The following ATXN7 variants were observed in gnomAD, a reference collection of about 807,000 sequenced individuals.
The protein encoded by ATXN7 is ataxin 7.
In ATXN7, 12 loss-of-function variants were observed where a neutral mutation model predicts 70.5. The observed-to-expected ratio is 0.17, with a 90% CI of 0.11 to 0.28. The LOEUF is 0.28. Among genes scored for constraint, ATXN7 ranks in the 10% least tolerant of loss-of-function variants. The pLI, the probability that ATXN7 is intolerant of heterozygous loss-of-function variation, is 1.00. For synonymous variants in ATXN7, 498 were observed against 448.7 expected (o/e 1.11, Z -1.39); for missense variants, 1,256 against 1,131.7 (o/e 1.11, Z -1.58).
chr3:63,945,682 A>G (rs572122933), intron 4 of ATXN7, among the ~76,000 whole-genome samples: 1 of 152,374 alleles, frequency 6.6e-6, no homozygotes, highest in South Asian at 2.1e-4. Flanking sequence ...AGAGCAGTCA[A>G]CAAGATAGAT....
intron 5 of ATXN7, among the ~76,000 whole-genome samples, chr3:63,955,016 T>TAA (rs1462677729): frequency 6.6e-6 from 1 of 152,172 alleles, no homozygotes; most frequent in Admixed American, 6.5e-5. Context: ...GCCAGGAAAA[T>TAA]ATCTTAAAAT....
At chr3:63,987,350 T>C (rs2075594318) in intron 8 of ATXN7, among the ~76,000 whole-genome samples, 2 of 152,214 alleles carry the variant, frequency 1.3e-5, no homozygotes, top group Admixed American at 1.3e-4. Context: ...AAATTAGACA[T>C]TGTCTGAAGA....
chr3:63,955,765 G>A (rs1046100181), intron 5 of ATXN7, among the ~76,000 whole-genome samples: 3 of 152,164 alleles, frequency 2.0e-5, no homozygotes, highest in Non-Finnish European at 4.4e-5. Context: ...GTGAAAATGT[G>A]TCGGCAGTCT....
intron 5 of ATXN7, among the ~76,000 whole-genome samples, chr3:63,971,878 C>T (rs1345508373): frequency 1.3e-5 from 2 of 152,154 alleles, no homozygotes; most frequent in African/African-American, 4.8e-5. Context: ...AGGGAAAACA[C>T]TAGTCTGGAG....
At chr3:63,920,767 A>G (rs1340757440) in intron 4 of ATXN7, among the ~76,000 whole-genome samples, 1 of 152,206 alleles carries the variant, frequency 6.6e-6, no homozygotes, top group Non-Finnish European at 1.5e-5. Context: ...AGGTTGCAGC[A>G]GATAGCAAAC....
At chr3:63,961,285 A>C (rs922908984) in intron 5 of ATXN7, among the ~76,000 whole-genome samples, 6 of 152,202 alleles carry the variant, frequency 3.9e-5, no homozygotes, top group African/African-American at 1.4e-4. Flanking sequence ...GTTCTGCTAT[A>C]ATCTTTTTAA....
In ATXN7 at chr3:63,999,880, A is replaced by AT. The variant is rs3836529; in HGVS notation, c.*422dup. ...TTTCTCCCTCCTTCCTTTTACTACC[A>AT]TTTTTTTTTAACACTGTCATCTGTA... On this transcript the variant is annotated 3_prime_UTR_variant, in exon 13 of 13. Coordinates refer to ENST00000674280, the MANE Select transcript of ATXN7 (RefSeq NM_001377405.1). The AT allele has an allele frequency of 1.0e-3, 264 of 252,254 alleles. No homozygotes were observed. Among genetic ancestry groups the AT allele is most frequent in the East Asian group, 2.6e-3 (31 of 11,760 alleles). The allele number at this position is 252,254 out of a possible 1,614,324, so 15.6% of individuals were successfully genotyped here.
Position 64,001,630 on chromosome 3 carries a change from G to C in ATXN7, c.*2163G>C, listed in dbSNP as rs1204461484. Reference sequence around the variant, plus strand: ...TTAGATTAGCAAGTATTGAACATTTGATTTCTTAGACTGAGGTTTTAAATG... The same window carrying C: ...TTAGATTAGCAAGTATTGAACATTTCATTTCTTAGACTGAGGTTTTAAATG... On this transcript the variant is annotated 3_prime_UTR_variant, in exon 13 of 13. Coordinates refer to ENST00000674280, the MANE Select transcript of ATXN7 (RefSeq NM_001377405.1). 6.6e-6 allele frequency: 1 copy of C among 152,164 alleles called. No homozygotes were observed. Among genetic ancestry groups the C allele is most frequent in the Non-Finnish European group, 1.5e-5 (1 of 68,022 alleles). The allele number at this position is 152,164 out of a possible 1,614,324, so 9.4% of individuals were successfully genotyped here.
In ATXN7 at chr3:64,001,370, C is replaced by G. The variant is rs1192601712; in HGVS notation, c.*1903C>G. The G allele has an allele frequency of 6.6e-6, 1 of 152,270 alleles. No individual in the cohort carries two copies. Among genetic ancestry groups the G allele is most frequent in the Admixed American group, 6.5e-5 (1 of 15,294 alleles). The allele number at this position is 152,270 out of a possible 1,614,324, so 9.4% of individuals were successfully genotyped here. A position where few individuals can be genotyped will look rare whatever the true frequency, so the allele number is the denominator to read the frequency against. On this transcript the variant is annotated 3_prime_UTR_variant, in exon 13 of 13. Transcript: ENST00000674280. ...TTTGGCATAGTTGGGAGAAATCAGT[C>G]TGGTTTCCATCCCAGTCGGGGAAGA...
intron 1 of ATXN7, among the ~76,000 whole-genome samples, chr3:63,888,308 A>G (rs1289043861): frequency 1.3e-5 from 2 of 152,194 alleles, no homozygotes; most frequent in Non-Finnish European, 2.9e-5. Context: ...GATGGTCCAG[A>G]GAGGTCTCGG....
At chr3:63,966,313 G>A (rs901697674) in intron 5 of ATXN7, among the ~76,000 whole-genome samples, 1 of 152,164 alleles carries the variant, frequency 6.6e-6, no homozygotes, top group Admixed American at 6.5e-5. Context: ...GGGAGGGCAG[G>A]TGAAGTAGGG....
At chr3:63,934,761 A>G (rs1409290640) in intron 4 of ATXN7, among the ~76,000 whole-genome samples, 2 of 152,180 alleles carry the variant, frequency 1.3e-5, no homozygotes, top group East Asian at 1.9e-4. Flanking sequence ...ATGGATTTGA[A>G]TTGTGTCTCC....
At chr3:63,974,843 G>A (rs1317691403) in intron 5 of ATXN7, among the ~76,000 whole-genome samples, 2 of 152,190 alleles carry the variant, frequency 1.3e-5, no homozygotes, top group Non-Finnish European at 2.9e-5. Flanking sequence ...AAAGGGTATG[G>A]GAAGGGTTGC....
intron 1 of ATXN7, chr3:63,866,810 C>G (rs1240755717): frequency 6.6e-6 from 1 of 152,086 alleles, no homozygotes; most frequent in African/African-American, 2.4e-5. Context: ...AGACTCAAGC[C>G]CTTACCATAC....
Position 63,988,339 on chromosome 3 carries a change from C to G in ATXN7, c.1361+15C>G, listed in dbSNP as rs1296771872. ...AGTCTTCCAAGGTAAGCCAGGCCCT[C>G]CAACTCTTTCTCCCACCTTCAGAGA... On this transcript the variant is annotated intron_variant, in intron 9 of 12. Coordinates refer to ENST00000674280, the MANE Select transcript of ATXN7 (RefSeq NM_001377405.1). 3 of 1,613,588 alleles carry G rather than the reference C, an allele frequency of 1.9e-6. No individual in the cohort carries two copies. The African/African-American group carries it at 4.0e-5, about 22-fold the overall frequency.
At position 63,884,636 on chromosome 3, in the gene ATXN7, C is replaced by CT. The variant is rs578022724; in HGVS notation, c.-110-13752dup. The stretch of plus-strand genomic sequence containing the variant: ...AAGGAGATGGAACATCACTGCCAAT[C>CT]TTTTTTTTTTTCTTTCTTATTTTTT... On this transcript the variant is annotated intron_variant, in intron 1 of 12. Transcript: ENST00000674280. Among the ~76,000 whole-genome samples, 812 of 146,298 alleles carry CT rather than the reference C, an allele frequency of 5.6e-3. 5 individuals are homozygous for CT. The highest frequency in any genetic ancestry group is 0.019 in the African/African-American group (752 of 40,118).
At position 63,982,849 on chromosome 3, in the gene ATXN7, C is replaced by G. The variant is rs1029339145; in HGVS notation, c.1013-90C>G. ...GGCTTTTATTCCAGCTATAATTTAT[C>G]TAACTGTTGATTTCTTCTATTTTCT... is the stretch of plus-strand genomic sequence containing the variant. On this transcript the variant is annotated intron_variant, in intron 7 of 12. Transcript: ENST00000674280. 23 of 981,690 alleles carry G rather than the reference C, an allele frequency of 2.3e-5. No individual in the cohort carries two copies. The African/African-American group carries it at 2.9e-4, about 13-fold the overall frequency. 60.8% of individuals were successfully genotyped at this position (981,690 alleles called of 1,614,324 possible).
At position 63,999,598 on chromosome 3, in the gene ATXN7, A is replaced by G. The variant is rs1003807539; in HGVS notation, c.*131A>G. Reference sequence around the variant, plus strand: ...ACCTCCTGTGGGCCTCAAGGGTAGAAACCTGCCGGGCTGTTGTTTTAACGA... The same window carrying G: ...ACCTCCTGTGGGCCTCAAGGGTAGAGACCTGCCGGGCTGTTGTTTTAACGA... On this transcript the variant is annotated 3_prime_UTR_variant, in exon 13 of 13. Coordinates refer to ENST00000674280, the MANE Select transcript of ATXN7 (RefSeq NM_001377405.1). 1 of 1,500,312 alleles carries G rather than the reference A, an allele frequency of 6.7e-7. No individual in the cohort carries two copies. The highest frequency in any genetic ancestry group is 1.4e-5 in the African/African-American group (1 of 72,074). 92.9% of individuals were successfully genotyped at this position (1,500,312 alleles called of 1,614,324 possible). A position where few individuals can be genotyped will look rare whatever the true frequency, so the allele number is the denominator to read the frequency against.
chr3:63,900,739 T>C (rs1170707217), intron 2 of ATXN7: 1 of 152,338 alleles, frequency 6.6e-6, no homozygotes, highest in Non-Finnish European at 1.5e-5. Flanking sequence ...AGGAGAAGAA[T>C]AGGAGGTGAT....
Sources: gnomAD v4.1 joint callset for allele counts (sites outside exome capture counted in the v4.1 genomes callset) on GRCh38, gnomAD v4.1.1 for gene constraint, MANE v1.5 for transcripts, NCBI Gene and HGNC (gene_info 2026-07-23, HGNC 2026-07-21) for gene names.